The following C14orf132 variants were observed in gnomAD, a reference collection of about 807,000 sequenced individuals.
C14orf132 encodes chromosome 14 open reading frame 132, also known as uncharacterized protein C14orf132.
In C14orf132, 6 loss-of-function variants were observed where a neutral mutation model predicts 5.8. The observed-to-expected ratio is 1.03, with a 90% CI of 0.57 to 2.04. The LOEUF (loss-of-function observed/expected upper bound fraction) is 2.04. C14orf132 is among the 30% of genes most tolerant of loss of function. C14orf132 has a pLI of 0.00. For synonymous variants in C14orf132, 51 were observed against 49.8 expected (o/e 1.02, Z -0.10); for missense variants, 125 against 115.8 (o/e 1.08, Z -0.37).
In C14orf132 at chr14:96,090,075, A is replaced by G. The variant is rs1888333630; in HGVS notation, c.*3340A>G. On this transcript the variant is annotated 3_prime_UTR_variant, in exon 2 of 2. Transcript: ENST00000555004. ...TGCTTACCCCTCTGTGTGCCCCTCC[A>G]TTGCTCCTCTACAAGCAATTAGGTG... The G allele has an allele frequency of 6.5e-6, 1 of 153,934 alleles. No homozygotes were observed. Among genetic ancestry groups the G allele is most frequent in the African/African-American group, 2.4e-5 (1 of 41,354 alleles). The allele number at this position is 153,934 out of a possible 1,614,324, so 9.5% of individuals were successfully genotyped here.
At chr14:96,059,536 T>C (rs528651303) in intron 1 of C14orf132, among the ~76,000 whole-genome samples, 36 of 152,246 alleles carry the variant, frequency 2.4e-4, no homozygotes, top group African/African-American at 8.7e-4. Flanking sequence ...GATTTGCAGG[T>C]CATGTTTGGG....
chr14:96,047,353 GGAT>G, intron 1 of C14orf132, among the ~76,000 whole-genome samples: 1 of 152,318 alleles, frequency 6.6e-6, no homozygotes, highest in East Asian at 1.9e-4. Flanking sequence ...ATCTGCAGGT[GGAT>G]GGCCAGTCTC....
chr14:96,048,616 C>T (rs373830090), intron 1 of C14orf132, among the ~76,000 whole-genome samples: 1 of 152,052 alleles, frequency 6.6e-6, no homozygotes, highest in Non-Finnish European at 1.5e-5. Flanking sequence ...TCTCTGCCCC[C>T]CCGGGTTCAA....
chr14:96,055,978 C>A (rs556350838), intron 1 of C14orf132, among the ~76,000 whole-genome samples: 1 of 152,154 alleles, frequency 6.6e-6, no homozygotes, highest in African/African-American at 2.4e-5. Context: ...AGCTTAGCCT[C>A]AGTGTCCTTT....
chr14:96,083,996 C>G lies in C14orf132; in HGVS notation c.28-2515C>G, dbSNP rs536524585. On this transcript the variant is annotated intron_variant, in intron 1 of 1. Coordinates refer to ENST00000555004, the MANE Select transcript of C14orf132 (RefSeq NM_001252507.3). The stretch of plus-strand genomic sequence containing the variant: ...AAGGGCCACCTGATGGCCTGGTTGG[C>G]GGGAGCCCTACAAAAGGCTCTGTCC... Among the ~76,000 whole-genome samples, 3 of 152,276 alleles carry G rather than the reference C, an allele frequency of 2.0e-5. No individual in the cohort carries two copies. The South Asian group carries it at 6.2e-4, about 32-fold the overall frequency.
chr14:96,075,487 G>T (rs769583489), intron 1 of C14orf132, among the ~76,000 whole-genome samples: 1 of 152,046 alleles, frequency 6.6e-6, no homozygotes, highest in Non-Finnish European at 1.5e-5. Flanking sequence ...ACATCCTCTC[G>T]TATTCCTAGA....
rs561961272 is a variant in C14orf132, at chr14:96,091,033, G to A, written c.*4298G>A. ...ATTTACTTCTCAAATTGCCCCTGGG[G>A]GCAGGAATGAGGATGCAGAGAGATG... On this transcript the variant is annotated 3_prime_UTR_variant, in exon 2 of 2. Transcript: ENST00000555004. 43 of 456,022 alleles carry A rather than the reference G, an allele frequency of 9.4e-5. No homozygotes were observed. The highest frequency in any genetic ancestry group is 8.4e-4 in the African/African-American group (42 of 50,186). 28.2% of individuals were successfully genotyped at this position (456,022 alleles called of 1,614,324 possible).
chr14:96,086,053 T>C (rs1888173372), intron 1 of C14orf132, among the ~76,000 whole-genome samples: 1 of 152,116 alleles, frequency 6.6e-6, no homozygotes, highest in Non-Finnish European at 1.5e-5. Flanking sequence ...ATCAAAATGT[T>C]AGCACTGATT....
In C14orf132 at chr14:96,045,054, G is replaced by A. The variant is rs114045517; in HGVS notation, c.27+5527G>A. On this transcript the variant is annotated intron_variant, in intron 1 of 1. Coordinates refer to ENST00000555004, the MANE Select transcript of C14orf132 (RefSeq NM_001252507.3). ...ATCTTGGGGCAGCAGTGAACAGATC[G>A]CTTATTTAAACCTCAGTTTCATTAT... is the stretch of plus-strand genomic sequence containing the variant. 5.8e-3 allele frequency among the ~76,000 whole-genome samples: 880 copies of A among 152,214 alleles called. 5 individuals are homozygous for A. The highest frequency in any genetic ancestry group is 5.4e-3 in the Non-Finnish European group (366 of 67,998).
At chr14:96,042,282 C>T (rs1221020293) in intron 1 of C14orf132, among the ~76,000 whole-genome samples, 1 of 152,152 alleles carries the variant, frequency 6.6e-6, no homozygotes, top group Non-Finnish European at 1.5e-5. Flanking sequence ...AGGCCAGGGC[C>T]AGATTATAGA....
At position 96,086,810 on chromosome 14, in the gene C14orf132, C is replaced by G. The variant is rs556915554; in HGVS notation, c.*75C>G. On this transcript the variant is annotated 3_prime_UTR_variant, in exon 2 of 2. Transcript: ENST00000555004. Reference sequence around the variant, plus strand: ...GACTTGCTGTCGGCCTTTGGCTTCTCCTGTGTTCTAGAACCAGGAGTTTTG... The same window carrying G: ...GACTTGCTGTCGGCCTTTGGCTTCTGCTGTGTTCTAGAACCAGGAGTTTTG... The G allele has an allele frequency of 8.9e-5, 127 of 1,421,332 alleles. No individual in the cohort carries two copies. The African/African-American group carries it at 1.6e-3, about 18-fold the overall frequency. 88.0% of individuals were successfully genotyped at this position (1,421,332 alleles called of 1,614,324 possible).
rs551789605 is a variant in C14orf132, at chr14:96,092,329, G to A, written c.*5594G>A. The A allele has an allele frequency of 6.6e-6, 1 of 152,172 alleles. No individual in the cohort carries two copies. The highest frequency in any genetic ancestry group is 1.5e-5 in the Non-Finnish European group (1 of 68,038). 9.4% of individuals were successfully genotyped at this position (152,172 alleles called of 1,614,324 possible). A position where few individuals can be genotyped will look rare whatever the true frequency, so the allele number is the denominator to read the frequency against. ...TGGCAAGGCTGTCATCTGCTCTTGG[G>A]TCCTTTTTCAAGCTGATTTCCTGCC... On this transcript the variant is annotated 3_prime_UTR_variant, in exon 2 of 2. Transcript: ENST00000555004.
intron 1 of C14orf132, among the ~76,000 whole-genome samples, chr14:96,084,712 C>A (rs1482758025): frequency 2.0e-5 from 3 of 152,228 alleles, no homozygotes; most frequent in Non-Finnish European, 4.4e-5. Context: ...GCAGCCCCCA[C>A]TCAGAAATTG....
At position 96,086,525 on chromosome 14, in the gene C14orf132, G is replaced by C; in HGVS notation, c.42G>C (p.Gly14=). The C allele has an allele frequency of 1.3e-6, 2 of 1,536,082 alleles. No homozygotes were observed. The highest frequency in any genetic ancestry group is 1.7e-6 in the Non-Finnish European group (2 of 1,146,882). ...CTTCTTTGCAGCTGCCCATGATGGGGGGAGCTTTCATGGACTCGCCCAACG... is the reference window on the plus strand; with the variant it reads ...CTTCTTTGCAGCTGCCCATGATGGGCGGAGCTTTCATGGACTCGCCCAACG... ...SFMAAQLPMM[G]GAFMDSPNED... Residue 14 remains glycine (G), a synonymous_variant, in exon 2 of 2, where the codon GGG becomes GGC. Coordinates refer to ENST00000555004, the MANE Select transcript of C14orf132 (RefSeq NM_001252507.3).
At chr14:96,068,749 G>C (rs28626975) in intron 1 of C14orf132, among the ~76,000 whole-genome samples, 4,589 of 152,146 alleles carry the variant, frequency 0.03, 240 homozygotes, top group African/African-American at 0.1. Flanking sequence ...GTGCTCCAGG[G>C]GCTGTGCTGA....
intron 1 of C14orf132, among the ~76,000 whole-genome samples, chr14:96,048,782 T>C (rs1197837647): frequency 6.6e-6 from 1 of 152,130 alleles, no homozygotes; most frequent in Admixed American, 6.5e-5. Context: ...TGCCTCGGCC[T>C]CCCAAAGTGC....
intron 1 of C14orf132, among the ~76,000 whole-genome samples, chr14:96,049,923 T>A (rs2139647687): frequency 6.6e-6 from 1 of 152,130 alleles, no homozygotes; most frequent in South Asian, 2.1e-4. Context: ...AGTTTTCATC[T>A]CTAGAAGCTA....
rs558566629 is a variant in C14orf132 at position 96,043,146 on chromosome 14, A to G, written c.27+3619A>G. Among the ~76,000 whole-genome samples the G allele has an allele frequency of 6.0e-4, 92 of 152,276 alleles. 2 individuals carry two copies. Among genetic ancestry groups the G allele is most frequent in the African/African-American group, 2.1e-3 (89 of 41,556 alleles). Reference sequence around the variant, plus strand: ...ATCTGGGACTGTCCTTGGTGAAGAGAAAGTCTAGTGGCTTTCTTGGTGAAG... The same window carrying G: ...ATCTGGGACTGTCCTTGGTGAAGAGGAAGTCTAGTGGCTTTCTTGGTGAAG... On this transcript the variant is annotated intron_variant, in intron 1 of 1. Transcript: ENST00000555004.
At chr14:96,057,428 G>T (rs1214456490) in intron 1 of C14orf132, among the ~76,000 whole-genome samples, 1 of 152,202 alleles carries the variant, frequency 6.6e-6, no homozygotes, top group African/African-American at 2.4e-5. Flanking sequence ...TGTATAAATT[G>T]CCTAGTCTGT....
Sources: gnomAD v4.1 joint callset for allele counts (sites outside exome capture counted in the v4.1 genomes callset) on GRCh38, gnomAD v4.1.1 for gene constraint, MANE v1.5 for transcripts, NCBI Gene and HGNC (gene_info 2026-07-23, HGNC 2026-07-21) for gene names.